The following ALDH1L2 variants were observed in gnomAD, a reference collection of about 807,000 sequenced individuals.
ALDH1L2 encodes the protein aldehyde dehydrogenase 1 family member L2.
In ALDH1L2, 91 loss-of-function variants were observed where a neutral mutation model predicts 111.0. That is an observed-to-expected ratio of 0.82 (90% CI 0.69 to 0.98). The LOEUF (loss-of-function observed/expected upper bound fraction) is 0.98, where lower values mean the gene tolerates loss of function less well. Among genes scored for constraint, ALDH1L2 ranks in the 50% least tolerant of loss-of-function variants. ALDH1L2 has a pLI of 0.00. For missense variants in ALDH1L2, 995 were observed against 1,126.8 expected, an observed-to-expected ratio of 0.88 and a Z score of 1.67; for synonymous variants, 374 against 392.6, an observed-to-expected ratio of 0.95 and a Z score of 0.56.
intron 6 of ALDH1L2, among the ~76,000 whole-genome samples, chr12:105,064,386 C>T (rs1039191005): frequency 1.3e-5 from 2 of 151,922 alleles, no homozygotes; most frequent in Non-Finnish European, 2.9e-5. Flanking sequence ...GAAACCTGCC[C>T]GAGGTTACAC....
intron 12 of ALDH1L2, among the ~76,000 whole-genome samples, chr12:105,051,520 G>A (rs1008867586): frequency 6.6e-6 from 1 of 152,122 alleles, no homozygotes; most frequent in Non-Finnish European, 1.5e-5. Context: ...AGCCCTGCCT[G>A]GATGTTTCAG....
At chr12:105,028,420 G>GTATT (rs991375003) in intron 21 of ALDH1L2, among the ~76,000 whole-genome samples, 2 of 152,136 alleles carry the variant, frequency 1.3e-5, no homozygotes, top group African/African-American at 4.8e-5. Flanking sequence ...GCCAAGCCAG[G>GTATT]TATTTCATCT....
rs1874072752 is a variant in ALDH1L2 at position 105,019,810 on chromosome 12, G to A, written c.*4614C>T. 6.6e-6 allele frequency: 1 copy of A among 152,044 alleles called. No homozygotes were observed. The highest frequency in any genetic ancestry group is 2.4e-5 in the African/African-American group (1 of 41,388). The allele number at this position is 152,044 out of a possible 1,614,324, so 9.4% of individuals were successfully genotyped here. ...TGAAATATGCAGAATTGTGTTTATTGGCATAGATGCTTATGATATATTGTT... is the reference window on the plus strand; with the variant it reads ...TGAAATATGCAGAATTGTGTTTATTAGCATAGATGCTTATGATATATTGTT... On this transcript the variant is annotated 3_prime_UTR_variant, in exon 23 of 23. Coordinates refer to ENST00000258494, the MANE Select transcript of ALDH1L2 (RefSeq NM_001034173.4).
chr12:105,066,848 T>A (rs1011495404), intron 4 of ALDH1L2, among the ~76,000 whole-genome samples, 179 bp from the exon 5 acceptor site: 4 of 152,322 alleles, frequency 2.6e-5, no homozygotes, highest in African/African-American at 9.6e-5. Context: ...AGCTACTTTA[T>A]GTAAAATATC....
chr12:105,046,561 A>G (rs1163813164), intron 15 of ALDH1L2, 149 bp downstream of exon 15: 1 of 650,664 alleles, frequency 1.5e-6, no homozygotes, highest in Admixed American at 2.9e-5. Flanking sequence ...AAAAATGAAT[A>G]TTTACTGACA....
At position 105,022,692 on chromosome 12, in the gene ALDH1L2, T is replaced by C. The variant is rs1430308232; in HGVS notation, c.*1732A>G. ...CTGTGCCAAACTCTGGGATGGTAAA[T>C]GAGCTATAGTATAATCAAAAGTGCT... On this transcript the variant is annotated 3_prime_UTR_variant, in exon 23 of 23. Transcript: ENST00000258494. 2.6e-5 allele frequency: 4 copies of C among 152,328 alleles called. No individual in the cohort carries two copies. Among genetic ancestry groups the C allele is most frequent in the Admixed American group, 2.0e-4 (3 of 15,296 alleles). The allele number at this position is 152,328 out of a possible 1,614,324, so 9.4% of individuals were successfully genotyped here.
intron 9 of ALDH1L2, among the ~76,000 whole-genome samples, chr12:105,058,593 G>A (rs895714619): frequency 3.3e-5 from 5 of 152,204 alleles, no homozygotes; most frequent in Non-Finnish European, 5.9e-5. Context: ...GATTATGAGA[G>A]ATGAATGTCA....
intron 22 of ALDH1L2, among the ~76,000 whole-genome samples, chr12:105,025,453 C>T (rs2136042861): frequency 6.6e-6 from 1 of 152,276 alleles, no homozygotes; most frequent in East Asian, 1.9e-4. Context: ...ATGGGTGAAA[C>T]AGGGATGCCT....
rs1875052743 is a variant in ALDH1L2, at chr12:105,036,231, ATACAC to A, written c.2146-1838_2146-1834del. Among the ~76,000 whole-genome samples the A allele has an allele frequency of 3.8e-5, 2 of 52,564 alleles. 1 individual carries two copies. Among genetic ancestry groups the A allele is most frequent in the African/African-American group, 2.3e-4 (2 of 8,780 alleles). The allele number at this position is 52,564 out of a possible 152,430, so 34.5% of individuals were successfully genotyped here. A position where few individuals can be genotyped will look rare whatever the true frequency, so the allele number is the denominator to read the frequency against. Reference sequence around the variant, plus strand: ...ATATTTATATATGTGTATATAATATATACACGTATATTTATATATGTGTATATAAT... The same window carrying A: ...ATATTTATATATGTGTATATAATATAGTATATTTATATATGTGTATATAAT... On this transcript the variant is annotated intron_variant, in intron 18 of 22. Coordinates refer to ENST00000258494, the MANE Select transcript of ALDH1L2 (RefSeq NM_001034173.4).
At chr12:105,081,197 C>G (rs997729148) in intron 1 of ALDH1L2, among the ~76,000 whole-genome samples, 3 of 152,146 alleles carry the variant, frequency 2.0e-5, no homozygotes, top group African/African-American at 7.2e-5. Context: ...CCTATGAATA[C>G]AAGGGACAAC....
At position 105,046,847 on chromosome 12, in the gene ALDH1L2, G is replaced by T. The variant is rs372457757; in HGVS notation, c.1758-32C>A. On this transcript the variant is annotated intron_variant, in intron 14 of 22. Coordinates refer to ENST00000258494, the MANE Select transcript of ALDH1L2 (RefSeq NM_001034173.4). The stretch of plus-strand genomic sequence containing the variant: ...GGGAAGAAATTCGACATGCTTAGTT[G>T]TTTCAAATAACACAACTCATGATTC... The T allele has an allele frequency of 3.0e-4, 477 of 1,613,094 alleles. 1 individual carries two copies. Among genetic ancestry groups the T allele is most frequent in the Middle Eastern group, 1.5e-3 (9 of 6,062 alleles).
intron 15 of ALDH1L2, among the ~76,000 whole-genome samples, chr12:105,045,473 C>A (rs1041458715): frequency 4.3e-5 from 6 of 138,470 alleles, no homozygotes; most frequent in African/African-American, 1.6e-4. Flanking sequence ...TAATATATAT[C>A]TCTCTACATA....
chr12:105,052,212 T>C lies in ALDH1L2; in HGVS notation c.1413A>G (p.Ile471Met). The change falls in exon 12 of 23, where the codon ATA becomes ATG. Residue 471 changes from isoleucine (I) to methionine (M), a missense_variant. By Grantham distance (10) the Ile-to-Met change is conservative. Coordinates refer to ENST00000258494, the MANE Select transcript of ALDH1L2 (RefSeq NM_001034173.4). The stretch of plus-strand genomic sequence containing the variant: ...CCAAAGAAGCGTAGGATACTTTGCA[T>C]ATTGTCTATTTCAAGGTAAGTAAAA... ...DTINPTDGST[I>M]CKVSYASLAD... 1 of 1,601,204 alleles carries C rather than the reference T, an allele frequency of 6.2e-7. No individual in the cohort carries two copies. Among genetic ancestry groups the C allele is most frequent in the Non-Finnish European group, 8.5e-7 (1 of 1,175,466 alleles).
intron 15 of ALDH1L2, among the ~76,000 whole-genome samples, chr12:105,046,149 T>TC (rs1875834536): frequency 2.8e-5 from 1 of 36,004 alleles, no homozygotes; most frequent in Non-Finnish European, 4.8e-5. Flanking sequence ...CTTCTACATC[T>TC]TCTCTCTCTC....
chr12:105,019,862 T>C lies in ALDH1L2; in HGVS notation c.*4562A>G, dbSNP rs1022516499. The C allele has an allele frequency of 2.0e-5, 3 of 152,240 alleles. No individual in the cohort carries two copies. Among genetic ancestry groups the C allele is most frequent in the Non-Finnish European group, 4.4e-5 (3 of 68,044 alleles). The allele number at this position is 152,240 out of a possible 1,614,324, so 9.4% of individuals were successfully genotyped here. A position where few individuals can be genotyped will look rare whatever the true frequency, so the allele number is the denominator to read the frequency against. On this transcript the variant is annotated 3_prime_UTR_variant, in exon 23 of 23. Transcript: ENST00000258494. ...ATTGAAAAAGCAGGTAACAAATTAA[T>C]ATACAGTATTATGTTAATTATGTAA... is the stretch of plus-strand genomic sequence containing the variant.
At chr12:105,078,016 C>T (rs1420696711) in intron 1 of ALDH1L2, among the ~76,000 whole-genome samples, 1 of 151,918 alleles carries the variant, frequency 6.6e-6, no homozygotes, top group Non-Finnish European at 1.5e-5. Flanking sequence ...CTGTGCCTGA[C>T]TCTGTGCAAG....
At chr12:105,024,518 G>GGCAGACATGTGATGTCTTCAGACCT (rs765519789) in intron 22 of ALDH1L2, 39 bp from the exon 23 acceptor site, 31 of 1,593,430 alleles carry the variant, frequency 1.9e-5, no homozygotes, top group Non-Finnish European at 2.7e-5. Flanking sequence ...CACATTCAGA[G>GGCAGACATGTGATGTCTTCAGACCT]GCAGACATGT....
chr12:105,045,553 C>CCACTAATA (rs1875790499), intron 15 of ALDH1L2, among the ~76,000 whole-genome samples: 1 of 151,856 alleles, frequency 6.6e-6, no homozygotes, highest in South Asian at 2.1e-4. Context: ...GATATCTAAG[C>CCACTAATA]CACTAATAGA....
At chr12:105,067,707 C>T (rs1416060373) in intron 4 of ALDH1L2, among the ~76,000 whole-genome samples, 1 of 152,120 alleles carries the variant, frequency 6.6e-6, no homozygotes, top group African/African-American at 2.4e-5. Flanking sequence ...GCTGACCAAC[C>T]CACCCAAGAG....
Sources: gnomAD v4.1 joint callset for allele counts (sites outside exome capture counted in the v4.1 genomes callset) on GRCh38, gnomAD v4.1.1 for gene constraint, MANE v1.5 for transcripts, NCBI Gene and HGNC (gene_info 2026-07-23, HGNC 2026-07-21) for gene names.